The following ALK variants were observed in gnomAD, a reference collection of about 807,000 sequenced individuals.
ALK encodes the protein ALK tyrosine kinase receptor.
ALK carries 74 observed loss-of-function variants against 163.1 expected under a neutral mutation model. The observed-to-expected ratio is 0.45, with a 90% CI of 0.38 to 0.55. ALK has a LOEUF of 0.55. ALK is among the 20% of genes least tolerant of loss of function. The probability of loss-of-function intolerance (pLI) is 0.00; values close to 1 mark genes in which losing one functional copy is unlikely to be tolerated. For synonymous variants in ALK, 960 were observed against 843.2 expected, an observed-to-expected ratio of 1.14 and a Z score of -2.40; for missense variants, 2,063 against 2,105.3, an observed-to-expected ratio of 0.98 and a Z score of 0.39.
intron 1 of ALK, among the ~76,000 whole-genome samples, chr2:29,788,123 T>C (rs1223237921): frequency 6.6e-6 from 1 of 152,224 alleles, no homozygotes. Context: ...ATGACCTGTC[T>C]ATAAGGACAA....
chr2:29,803,344 G>C (rs1029781657), intron 1 of ALK, among the ~76,000 whole-genome samples: 4 of 152,352 alleles, frequency 2.6e-5, no homozygotes, highest in Non-Finnish European at 4.4e-5. Context: ...AAGCTGAATA[G>C]AGTCAGACTC....
At chr2:29,909,308 T>C (rs192636176) in intron 1 of ALK, among the ~76,000 whole-genome samples, 3 of 152,288 alleles carry the variant, frequency 2.0e-5, no homozygotes, top group African/African-American at 7.2e-5. Flanking sequence ...CCTAGAGGCA[T>C]TTACCAGACT....
intron 1 of ALK, among the ~76,000 whole-genome samples, chr2:29,777,052 C>G (rs1304038081): frequency 2.0e-5 from 3 of 152,096 alleles, no homozygotes; most frequent in Admixed American, 6.5e-5. Context: ...CATCTAGTCT[C>G]AAGAATGTGT....
chr2:29,543,805 T>C (rs1206561577), intron 3 of ALK, among the ~76,000 whole-genome samples: 1 of 152,224 alleles, frequency 6.6e-6, no homozygotes, highest in East Asian at 1.9e-4. Flanking sequence ...AAATTGCTCA[T>C]GCCTCCCCTC....
At chr2:29,439,205 T>A (rs543934113) in intron 4 of ALK, among the ~76,000 whole-genome samples, 1 of 152,182 alleles carries the variant, frequency 6.6e-6, no homozygotes, top group Non-Finnish European at 1.5e-5. Context: ...GGGTTTCTAG[T>A]ACTGAAACAA....
intron 3 of ALK, among the ~76,000 whole-genome samples, chr2:29,571,233 G>C (rs878887703): frequency 6.6e-6 from 1 of 152,106 alleles, no homozygotes; most frequent in African/African-American, 2.4e-5. Context: ...CTACAGAGAG[G>C]GGCTCAGCCA....
In ALK at chr2:29,906,937, GT is replaced by G. The variant is rs70962250; in HGVS notation, c.667+13055del. Among the ~76,000 whole-genome samples, 454 of 80,040 alleles carry G rather than the reference GT, an allele frequency of 5.7e-3. 8 individuals are homozygous for G. The highest frequency in any genetic ancestry group is 0.019 in the African/African-American group (425 of 21,998). 52.5% of individuals were successfully genotyped at this position (80,040 alleles called of 152,430 possible). A position where few individuals can be genotyped will look rare whatever the true frequency, so the allele number is the denominator to read the frequency against. On this transcript the variant is annotated intron_variant, in intron 1 of 28. Transcript: ENST00000389048. ...CCAGAAATATACATATACATTTAAG[GT>G]TTTTTTTTTTTTTTTTTTTTTTTTT...
rs202009010 is a variant in ALK, at chr2:29,673,253, A to G, written c.952+21597T>C. On this transcript the variant is annotated intron_variant, in intron 3 of 28. Transcript: ENST00000389048. Reference sequence around the variant, plus strand: ...TGTTTTAGACATGAAGTCCTTGCCCATGCCTATGTCCTGAATGGTATTGCC... The same window carrying G: ...TGTTTTAGACATGAAGTCCTTGCCCGTGCCTATGTCCTGAATGGTATTGCC... Among the ~76,000 whole-genome samples the G allele has an allele frequency of 1.1e-4, 14 of 123,968 alleles. No homozygotes were observed. The East Asian group carries it at 2.3e-3, about 20-fold the overall frequency. 81.3% of individuals were successfully genotyped at this position (123,968 alleles called of 152,430 possible).
chr2:29,349,779 A>C (rs13413210), intron 5 of ALK, among the ~76,000 whole-genome samples: 16,110 of 152,270 alleles, frequency 0.11, 918 homozygotes, highest in Middle Eastern at 0.15. Flanking sequence ...CACCAAACCT[A>C]GGATGTGCCC....
At chr2:29,566,141 T>G (rs1475199114) in intron 3 of ALK, among the ~76,000 whole-genome samples, 1 of 152,218 alleles carries the variant, frequency 6.6e-6, no homozygotes, top group Non-Finnish European at 1.5e-5. Context: ...AGGGTCACCC[T>G]GCCTGGATCA....
At chr2:29,825,150 T>C (rs1665162285) in intron 1 of ALK, among the ~76,000 whole-genome samples, 1 of 152,254 alleles carries the variant, frequency 6.6e-6, no homozygotes, top group African/African-American at 2.4e-5. Flanking sequence ...CCTTCCACCA[T>C]GATTGTGAGG....
intron 3 of ALK, among the ~76,000 whole-genome samples, chr2:29,568,127 C>G (rs1160414814): frequency 6.6e-6 from 1 of 152,212 alleles, no homozygotes; most frequent in East Asian, 1.9e-4. Flanking sequence ...CAGAGACATC[C>G]ATATGTCACT....
rs1673173667 is a variant in ALK, at chr2:29,533,555, G to A, written c.953-1439C>T. ...GCCTAAAACATGGCCAAGGTAACTT[G>A]TGGCCAGGATGTATAGCTTTGGAAG... is the stretch of plus-strand genomic sequence containing the variant. On this transcript the variant is annotated intron_variant, in intron 3 of 28. Transcript: ENST00000389048. Among the ~76,000 whole-genome samples the A allele has an allele frequency of 3.9e-5, 6 of 152,268 alleles. No homozygotes were observed. The South Asian group carries it at 1.2e-3, about 32-fold the overall frequency.
At chr2:29,705,273 A>ATC (rs1678871201) in intron 2 of ALK, among the ~76,000 whole-genome samples, 1 of 50,882 alleles carries the variant, frequency 2.0e-5, no homozygotes, top group Non-Finnish European at 3.3e-5. Flanking sequence ...ATATATATAT[A>ATC]TATATATAAA....
intron 3 of ALK, among the ~76,000 whole-genome samples, chr2:29,619,803 G>C (rs1675975095): frequency 6.6e-6 from 1 of 152,176 alleles, no homozygotes; most frequent in Non-Finnish European, 1.5e-5. Flanking sequence ...CTGGTCTGCT[G>C]CCCGCACTCA....
chr2:29,635,911 A>G (rs979701735), intron 3 of ALK, among the ~76,000 whole-genome samples: 6 of 152,082 alleles, frequency 3.9e-5, no homozygotes, highest in Non-Finnish European at 8.8e-5. Context: ...GATTACAGGC[A>G]TGAGTCACTG....
intron 26 of ALK, among the ~76,000 whole-genome samples, chr2:29,200,760 T>TATACGTATATATATGTATATATAC: frequency 9.5e-6 from 1 of 104,966 alleles, no homozygotes; most frequent in Non-Finnish European, 1.7e-5. Flanking sequence ...TACGTATATA[T>TATACGTATATATATGTATATATAC]GTATATATAT....
chr2:29,377,364 AC>A (rs1668780801), intron 5 of ALK, among the ~76,000 whole-genome samples: 1 of 151,652 alleles, frequency 6.6e-6, no homozygotes, highest in Admixed American at 6.6e-5. Flanking sequence ...AATCCCAGCT[AC>A]TCAGGAGCCT....
Position 29,795,594 on chromosome 2 carries a change from G to A in ALK, c.668-77897C>T, listed in dbSNP as rs1268831979. Among the ~76,000 whole-genome samples the A allele has an allele frequency of 2.0e-5, 3 of 152,066 alleles. No individual in the cohort carries two copies. The East Asian group carries it at 5.8e-4, about 29-fold the overall frequency. ...AAACTAGGAAGCAAAGTAGCTACTTGAAATAAAAAGTGATAAAGTAAATAT... is the reference window on the plus strand; with the variant it reads ...AAACTAGGAAGCAAAGTAGCTACTTAAAATAAAAAGTGATAAAGTAAATAT... On this transcript the variant is annotated intron_variant, in intron 1 of 28. Transcript: ENST00000389048.
Sources: allele counts gnomAD v4.1 joint callset (sites outside exome capture counted in the v4.1 genomes callset), GRCh38; gene constraint gnomAD v4.1.1; transcripts MANE v1.5; gene names NCBI Gene and HGNC (gene_info 2026-07-23, HGNC 2026-07-21).